The following OSBPL5 variants were observed in gnomAD, a reference collection of about 807,000 sequenced individuals.
OSBPL5 encodes the protein oxysterol-binding protein-related protein 5.
OSBPL5 carries 71 observed loss-of-function variants against 111.2 expected under a neutral mutation model. That is an observed-to-expected ratio of 0.64 (90% CI 0.53 to 0.78). The LOEUF (loss-of-function observed/expected upper bound fraction) is 0.78. OSBPL5 is among the 30% of genes least tolerant of loss of function. The pLI is 0.00. For missense variants in OSBPL5, 1,210 were observed against 1,189.3 expected, an observed-to-expected ratio of 1.02 and a Z score of -0.26; for synonymous variants, 549 against 513.9, an observed-to-expected ratio of 1.07 and a Z score of -0.93.
Position 3,104,172 on chromosome 11 carries a change from C to T in OSBPL5, c.1244+21G>A. 1 of 1,587,962 alleles carries T rather than the reference C, an allele frequency of 6.3e-7. No individual in the cohort carries two copies. Among genetic ancestry groups the T allele is most frequent in the Non-Finnish European group, 8.6e-7 (1 of 1,161,786 alleles). The stretch of plus-strand genomic sequence containing the variant: ...AGATGCAGGACGAGGTGTGGGGTGC[C>T]CCTCCCGGCATGGCGCGCACCTGGA... On this transcript the variant is annotated intron_variant, in intron 10 of 21. Coordinates refer to ENST00000263650, the MANE Select transcript of OSBPL5 (RefSeq NM_020896.4). The surrounding 1 kb of genome is among the most constrained non-coding windows in gnomAD (Gnocchi z 5.0).
At chr11:3,094,557 A>G (rs1857191045) in intron 14 of OSBPL5, 2 of 510,440 alleles carry the variant, frequency 3.9e-6, no homozygotes, top group African/African-American at 3.9e-5. Context: ...GGAGGTGCGG[A>G]GCCTGGGAGG....
intron 1 of OSBPL5, among the ~76,000 whole-genome samples, chr11:3,139,561 C>T (rs1846046030): frequency 6.6e-6 from 1 of 152,204 alleles, no homozygotes; most frequent in African/African-American, 2.4e-5. Flanking sequence ...AGCCCAGGCA[C>T]CCAGCCCTGC....
At position 3,123,818 on chromosome 11, in the gene OSBPL5, C is replaced by T. The variant is rs372169206; in HGVS notation, c.220-1390G>A. Among the ~76,000 whole-genome samples, 108 of 152,276 alleles carry T rather than the reference C, an allele frequency of 7.1e-4. 2 individuals carry two copies. In the South Asian group the frequency reaches 0.022, roughly 30 times the overall value. ...TCTCCAGCCATGCATAAGGTGGGGC[C>T]GGTTATTGTCCCTATTTTATTTCTG... On this transcript the variant is annotated intron_variant, in intron 3 of 21. Coordinates refer to ENST00000263650, the MANE Select transcript of OSBPL5 (RefSeq NM_020896.4).
In OSBPL5 at chr11:3,104,198, G is replaced by A; in HGVS notation, c.1239C>T (p.Leu413=). The part of the protein sequence containing the change: ...LSDYYYHADL[L]SRAAVEEDAY... ...CCTCCCGGCATGGCGCGCACCTGGA[G>A]AGCAGGTCTGCGTGGTAGTAGTAGT... Residue 413 remains leucine, a synonymous_variant, in exon 10 of 22, where the codon CTC becomes CTT. Coordinates refer to ENST00000263650, the MANE Select transcript of OSBPL5 (RefSeq NM_020896.4). The surrounding 1 kb of genome is among the most constrained non-coding windows in gnomAD (Gnocchi z 5.0). 3.1e-6 allele frequency: 5 copies of A among 1,606,038 alleles called. No homozygotes were observed. The highest frequency in any genetic ancestry group is 3.4e-6 in the Non-Finnish European group (4 of 1,173,920).
Position 3,107,719 on chromosome 11 carries a change from A to G in OSBPL5, c.866+52T>C. 12 of 1,595,272 alleles carry G rather than the reference A, an allele frequency of 7.5e-6. No individual in the cohort carries two copies. The highest frequency in any genetic ancestry group is 1.0e-5 in the Non-Finnish European group (12 of 1,172,710). ...CTGTCCTCTCCCCTCTTCCTCGCCT[A>G]CAAGGAGACCCCGTGAATCACCACC... On this transcript the variant is annotated intron_variant, in intron 8 of 21. Coordinates refer to ENST00000263650, the MANE Select transcript of OSBPL5 (RefSeq NM_020896.4). The surrounding 1 kb of genome is among the most constrained non-coding windows in gnomAD (Gnocchi z 6.1).
At chr11:3,156,484 G>A (rs1319996130) in intron 1 of OSBPL5, among the ~76,000 whole-genome samples, 3 of 152,138 alleles carry the variant, frequency 2.0e-5, no homozygotes, top group African/African-American at 4.8e-5. Context: ...TCCATATATA[G>A]TAAAGCCCAA....
Position 3,121,688 on chromosome 11 carries a change from G to C in OSBPL5, c.402+309C>G. Reference sequence around the variant, plus strand: ...AGCCAGAGCAATGTCTCCCTCCCCAGCGCCCTCCGCCCACTGGCCAGGCCC... The same window carrying C: ...AGCCAGAGCAATGTCTCCCTCCCCACCGCCCTCCGCCCACTGGCCAGGCCC... On this transcript the variant is annotated intron_variant, in intron 5 of 21. Coordinates refer to ENST00000263650, the MANE Select transcript of OSBPL5 (RefSeq NM_020896.4). The surrounding 1 kb of genome is among the most constrained non-coding windows in gnomAD (Gnocchi z 4.3). The C allele has an allele frequency of 2.5e-6, 1 of 393,084 alleles. No homozygotes were observed. The highest frequency in any genetic ancestry group is 7.5e-4 in the Middle Eastern group (1 of 1,332). The allele number at this position is 393,084 out of a possible 1,614,324, so 24.3% of individuals were successfully genotyped here.
At position 3,130,723 on chromosome 11, in the gene OSBPL5, G is replaced by A. The variant is rs1286869979; in HGVS notation, c.-21-1554C>T. Among the ~76,000 whole-genome samples the A allele has an allele frequency of 6.6e-6, 1 of 152,214 alleles. No homozygotes were observed. The highest frequency in any genetic ancestry group is 6.5e-5 in the Admixed American group (1 of 15,282). ...TGCCGTCCTTAAGCCAGGTGGAACCGATCCTAAAACCCAGCCGCTGAGTGT... is the reference window on the plus strand; with the variant it reads ...TGCCGTCCTTAAGCCAGGTGGAACCAATCCTAAAACCCAGCCGCTGAGTGT... On this transcript the variant is annotated intron_variant, in intron 1 of 21. Transcript: ENST00000263650. The surrounding 1 kb of genome is among the most constrained non-coding windows in gnomAD (Gnocchi z 4.5).
intron 7 of OSBPL5, among the ~76,000 whole-genome samples, chr11:3,111,968 T>C (rs898310780): frequency 8.3e-6 from 1 of 120,760 alleles, no homozygotes; most frequent in Non-Finnish European, 2.0e-5. Context: ...TGTGTGTGTG[T>C]GCATATGTGT....
At chr11:3,136,903 G>A (rs1845964285) in intron 1 of OSBPL5, among the ~76,000 whole-genome samples, 1 of 152,242 alleles carries the variant, frequency 6.6e-6, no homozygotes, top group Non-Finnish European at 1.5e-5. Flanking sequence ...AGATGCTTCT[G>A]CCTAAACCAG....
rs1449706575 is a variant in OSBPL5 at position 3,106,346 on chromosome 11, C to A, written c.1059+917G>T. 6.6e-6 allele frequency among the ~76,000 whole-genome samples: 1 copy of A among 152,152 alleles called. No individual in the cohort carries two copies. The highest frequency in any genetic ancestry group is 2.1e-4 in the South Asian group (1 of 4,828). On this transcript the variant is annotated intron_variant, in intron 9 of 21. Transcript: ENST00000263650. This position sits in a 1 kb window ranked among gnomAD's most constrained non-coding sequence, Gnocchi z 8.4. Reference sequence around the variant, plus strand: ...CCACGGCCTTGCTCTTGTCTCGCCTCCCGGGTGAGAATGACAAGATCCCAG... The same window carrying A: ...CCACGGCCTTGCTCTTGTCTCGCCTACCGGGTGAGAATGACAAGATCCCAG...
At chr11:3,118,117 G>A (rs1002896425) in intron 7 of OSBPL5, among the ~76,000 whole-genome samples, 3 of 152,164 alleles carry the variant, frequency 2.0e-5, no homozygotes, top group Admixed American at 6.5e-5. Flanking sequence ...CCAGAGACTC[G>A]TTTTCTTCTA....
At chr11:3,158,661 T>C (rs969570887) in intron 1 of OSBPL5, among the ~76,000 whole-genome samples, 1 of 152,250 alleles carries the variant, frequency 6.6e-6, no homozygotes, top group Non-Finnish European at 1.5e-5. Flanking sequence ...AGGCCTCTTC[T>C]GGGCTGCACA....
chr11:3,143,655 G>A (rs974562958), intron 1 of OSBPL5, among the ~76,000 whole-genome samples: 3 of 152,252 alleles, frequency 2.0e-5, no homozygotes, highest in Admixed American at 1.3e-4. Flanking sequence ...AGGACGGGCA[G>A]GTCTGGACAC....
At chr11:3,102,149 G>GCGCC (rs1223490574) in intron 12 of OSBPL5, 34 bp downstream of exon 12, 3 of 1,547,312 alleles carry the variant, frequency 1.9e-6, no homozygotes, top group Non-Finnish European at 2.6e-6. Context: ...ATAGAGCCCA[G>GCGCC]CACCCAGGCC....
intron 14 of OSBPL5, among the ~76,000 whole-genome samples, chr11:3,097,774 A>C (rs111799813): frequency 8.7e-4 from 132 of 152,326 alleles, no homozygotes; most frequent in African/African-American, 2.8e-3. Context: ...GAGTATAAAA[A>C]GAACAGGCAA....
At chr11:3,103,083 C>G (rs1429423111) in intron 11 of OSBPL5, among the ~76,000 whole-genome samples, 156 bp downstream of exon 11, 1 of 152,156 alleles carries the variant, frequency 6.6e-6, no homozygotes, top group Non-Finnish European at 1.5e-5. Flanking sequence ...TCCCCCATCA[C>G]CAAGGACCTG....
Position 3,141,164 on chromosome 11 carries a change from C to T in OSBPL5, c.-21-11995G>A, listed in dbSNP as rs4758538. Among the ~76,000 whole-genome samples the T allele has an allele frequency of 0.28, 43,078 of 152,010 alleles. 6,596 individuals are homozygous for T. Among genetic ancestry groups the T allele is most frequent in the African/African-American group, 0.41 (17,070 of 41,420 alleles). On this transcript the variant is annotated intron_variant, in intron 1 of 21. Coordinates refer to ENST00000263650, the MANE Select transcript of OSBPL5 (RefSeq NM_020896.4). The surrounding 1 kb of genome is among the most constrained non-coding windows in gnomAD (Gnocchi z 6.5). ...GCAGTTTCGAGTGCTCTGATGCTGA[C>T]AGCCACCCAGGCTTCCCCCCGCCCA...
rs1564846761 is a variant in OSBPL5, at chr11:3,126,917, C to T, written c.137-362G>A. ...AGAATGTGACATCCAGTCTCAAAGA[C>T]ACATGGCAGGTTTGGGGCCCCTGGA... On this transcript the variant is annotated intron_variant, in intron 2 of 21. Transcript: ENST00000263650. The surrounding 1 kb of genome is among the most constrained non-coding windows in gnomAD (Gnocchi z 6.5). Among the ~76,000 whole-genome samples, 1 of 152,200 alleles carries T rather than the reference C, an allele frequency of 6.6e-6. No homozygotes were observed.
Sources: allele counts gnomAD v4.1 joint callset (sites outside exome capture counted in the v4.1 genomes callset), GRCh38; gene constraint gnomAD v4.1.1; non-coding constraint Gnocchi (gnomAD v3.1); transcripts MANE v1.5; gene names NCBI Gene and HGNC (gene_info 2026-07-23, HGNC 2026-07-21).